SORCS1: variants seen among roughly 807,000 people sequenced by gnomAD.
SORCS1 encodes sortilin related VPS10 domain containing receptor 1, also known as VPS10 domain-containing receptor SorCS1.
A neutral mutation model predicts 146.1 loss-of-function variants in SORCS1; 60 were observed. That is an observed-to-expected ratio of 0.41 (90% CI 0.33 to 0.51). The LOEUF is 0.51. Ranked by LOEUF, SORCS1 falls within the 20% of genes least tolerant of loss-of-function variation. The pLI, the probability that SORCS1 is intolerant of heterozygous loss-of-function variation, is 0.21. For synonymous variants in SORCS1, 637 were observed against 584.0 expected, an observed-to-expected ratio of 1.09 and a Z score of -1.31; for missense variants, 1,352 against 1,487.6, an observed-to-expected ratio of 0.91 and a Z score of 1.50.
chr10:106,786,614 C>T (rs1488304126), intron 3 of SORCS1, among the ~76,000 whole-genome samples: 4 of 152,028 alleles, frequency 2.6e-5, no homozygotes, highest in South Asian at 4.2e-4. Flanking sequence ...CTGGGCCAGA[C>T]TTAATGGGAG....
At chr10:106,901,809 C>T (rs1028982886) in intron 2 of SORCS1, among the ~76,000 whole-genome samples, 1 of 152,006 alleles carries the variant, frequency 6.6e-6, no homozygotes, top group Non-Finnish European at 1.5e-5. Flanking sequence ...TTTGGGAGGC[C>T]GAGGTGGGTG....
intron 1 of SORCS1, among the ~76,000 whole-genome samples, chr10:107,001,557 G>A (rs981337881): frequency 2.6e-5 from 4 of 152,126 alleles, no homozygotes; most frequent in South Asian, 4.2e-4. Flanking sequence ...TCCGTCTCCC[G>A]GGTTCAAGCG....
At chr10:106,900,885 C>T (rs1292732010) in intron 2 of SORCS1, among the ~76,000 whole-genome samples, 2 of 152,128 alleles carry the variant, frequency 1.3e-5, no homozygotes, top group Non-Finnish European at 2.9e-5. Flanking sequence ...GGTTAAAATT[C>T]GGTAAATTTA....
chr10:107,050,981 CAT>C (rs1960053013), intron 1 of SORCS1, among the ~76,000 whole-genome samples: 1 of 152,020 alleles, frequency 6.6e-6, no homozygotes, highest in South Asian at 2.1e-4. Context: ...TTCTGTGTGA[CAT>C]AAAGTTTTCT....
chr10:106,826,112 G>A (rs1948293076), intron 3 of SORCS1, among the ~76,000 whole-genome samples: 1 of 152,220 alleles, frequency 6.6e-6, no homozygotes, highest in Non-Finnish European at 1.5e-5. Context: ...CAAGCTGCCT[G>A]CAAAGGCAAG....
rs149503519 is a variant in SORCS1 at position 106,619,603 on chromosome 10, A to G, written c.2796+825T>C. Among the ~76,000 whole-genome samples, 4 of 152,282 alleles carry G rather than the reference A, an allele frequency of 2.6e-5. No homozygotes were observed. The East Asian group carries it at 7.7e-4, about 29-fold the overall frequency. On this transcript the variant is annotated intron_variant, in intron 20 of 25. Transcript: ENST00000263054. ...ATTTGGAAGCACTTTAATTTCTGAG[A>G]ATGGAATGAGTTCAAAACTGAAATA...
chr10:106,716,857 C>T (rs1339355530), intron 6 of SORCS1, among the ~76,000 whole-genome samples: 3 of 152,070 alleles, frequency 2.0e-5, no homozygotes, highest in Non-Finnish European at 2.9e-5. Flanking sequence ...AAATCCAGGC[C>T]GGGCTCGGTG....
chr10:106,863,046 A>G lies in SORCS1; in HGVS notation c.627-33373T>C, dbSNP rs975975327. On this transcript the variant is annotated intron_variant, in intron 2 of 25. Coordinates refer to ENST00000263054, the MANE Select transcript of SORCS1 (RefSeq NM_052918.5). Reference sequence around the variant, plus strand: ...TAATACTGTAAGAAAAAATCTGATAATATTTCTTTAGAAGTTGATTTCCCC... The same window carrying G: ...TAATACTGTAAGAAAAAATCTGATAGTATTTCTTTAGAAGTTGATTTCCCC... Among the ~76,000 whole-genome samples, 3 of 152,200 alleles carry G rather than the reference A, an allele frequency of 2.0e-5. No homozygotes were observed. The South Asian group carries it at 6.2e-4, about 32-fold the overall frequency.
chr10:106,836,806 T>A (rs1004636214), intron 2 of SORCS1, among the ~76,000 whole-genome samples: 3 of 152,154 alleles, frequency 2.0e-5, no homozygotes, highest in South Asian at 2.1e-4. Context: ...ATCCTTTATC[T>A]GATCCAGCCT....
chr10:106,757,820 TG>T (rs1216457374), intron 5 of SORCS1, among the ~76,000 whole-genome samples: 1 of 152,220 alleles, frequency 6.6e-6, no homozygotes, highest in Non-Finnish European at 1.5e-5. Flanking sequence ...GCACAGACTG[TG>T]GTGACAGACA....
At chr10:106,895,543 A>AGAG (rs1312520684) in intron 2 of SORCS1, among the ~76,000 whole-genome samples, 3 of 152,176 alleles carry the variant, frequency 2.0e-5, no homozygotes, top group Non-Finnish European at 4.4e-5. Flanking sequence ...CCCAGGAGGA[A>AGAG]GAGGTTGCAG....
intron 3 of SORCS1, among the ~76,000 whole-genome samples, chr10:106,802,030 T>A (rs1946928300): frequency 1.3e-5 from 2 of 152,226 alleles, no homozygotes; most frequent in South Asian, 4.1e-4. Context: ...TTCTCAAAGT[T>A]CACGCCATTT....
intron 2 of SORCS1, among the ~76,000 whole-genome samples, chr10:106,881,924 G>C (rs929729677): frequency 6.6e-6 from 1 of 152,172 alleles, no homozygotes; most frequent in Admixed American, 6.5e-5. Flanking sequence ...AATAGAAGTT[G>C]GTTGGTTGCT....
intron 23 of SORCS1, 75 bp from the exon 24 acceptor site, chr10:106,597,525 C>A: frequency 1.8e-6 from 2 of 1,122,146 alleles, no homozygotes; most frequent in Non-Finnish European, 2.7e-6. Flanking sequence ...GAAATATTTA[C>A]TATTTTCACC....
chr10:106,632,049 G>C (rs749872341), intron 18 of SORCS1, among the ~76,000 whole-genome samples: 7 of 152,066 alleles, frequency 4.6e-5, no homozygotes, highest in Admixed American at 2.0e-4. Context: ...AGGTTATTAG[G>C]GTGTTAGGTC....
intron 1 of SORCS1, among the ~76,000 whole-genome samples, chr10:106,993,077 G>A (rs1311215800): frequency 2.0e-5 from 3 of 151,954 alleles, no homozygotes; most frequent in African/African-American, 7.3e-5. Context: ...TGATCTGCCG[G>A]CCTCGGCCTC....
rs2136835181 is a variant in SORCS1, at chr10:106,814,370, T to C, written c.726+15204A>G. Among the ~76,000 whole-genome samples the C allele has an allele frequency of 2.0e-5, 3 of 152,308 alleles. No homozygotes were observed. The South Asian group carries it at 6.2e-4, about 32-fold the overall frequency. ...CAGCCTGAAGAACACTAGTAAAAAC[T>C]AACCTTCCAGACAAGAAAACTGGAG... On this transcript the variant is annotated intron_variant, in intron 3 of 25. Coordinates refer to ENST00000263054, the MANE Select transcript of SORCS1 (RefSeq NM_052918.5).
intron 4 of SORCS1, among the ~76,000 whole-genome samples, chr10:106,765,022 C>CAAAAA (rs10582038): frequency 4.1e-5 from 3 of 73,278 alleles, no homozygotes; most frequent in Admixed American, 1.6e-4. Flanking sequence ...GACACTGTCT[C>CAAAAA]AAAAAAAAAA....
chr10:106,742,334 C>T (rs1857420483), intron 5 of SORCS1, among the ~76,000 whole-genome samples: 1 of 152,124 alleles, frequency 6.6e-6, no homozygotes, highest in South Asian at 2.1e-4. Flanking sequence ...AACACAAAAT[C>T]CATTTATGTT....
Sources: gnomAD v4.1 joint callset for allele counts (sites outside exome capture counted in the v4.1 genomes callset) on GRCh38, gnomAD v4.1.1 for gene constraint, MANE v1.5 for transcripts, NCBI Gene and HGNC (gene_info 2026-07-23, HGNC 2026-07-21) for gene names.